Variants in GRID2 observed in about 807,000 individuals in gnomAD.
GRID2 encodes the protein glutamate ionotropic receptor delta type subunit 2.
In GRID2, 33 loss-of-function variants were observed where a neutral mutation model predicts 114.8. The observed-to-expected ratio is 0.29, with a 90% CI of 0.22 to 0.38. GRID2 has a LOEUF of 0.38. GRID2 is among the 10% of genes least tolerant of loss of function. The pLI, the probability that GRID2 is intolerant of heterozygous loss-of-function variation, is 1.00. For synonymous variants in GRID2, 505 were observed against 449.9 expected (o/e 1.12, Z -1.55); for missense variants, 1,184 against 1,257.7 (o/e 0.94, Z 0.89).
At chr4:93,118,386 C>T (rs1733477265) in intron 4 of GRID2, among the ~76,000 whole-genome samples, 2 of 152,006 alleles carry the variant, frequency 1.3e-5, no homozygotes, top group African/African-American at 2.4e-5. Flanking sequence ...GATTAAAGCT[C>T]AACAATGATA....
chr4:92,518,761 C>G (rs1724629709), intron 1 of GRID2, among the ~76,000 whole-genome samples: 1 of 151,680 alleles, frequency 6.6e-6, no homozygotes, highest in African/African-American at 2.4e-5. Context: ...ATAGTTTATT[C>G]CTTTTAAATG....
At chr4:93,704,476 G>A (rs1727815417) in intron 14 of GRID2, among the ~76,000 whole-genome samples, 1 of 152,028 alleles carries the variant, frequency 6.6e-6, no homozygotes, top group Non-Finnish European at 1.5e-5. Flanking sequence ...AGTTTCTTTT[G>A]CTGTGCAGAA....
At chr4:92,655,327 G>A (rs1579778328) in intron 2 of GRID2, among the ~76,000 whole-genome samples, 1 of 151,870 alleles carries the variant, frequency 6.6e-6, no homozygotes, top group East Asian at 1.9e-4. Context: ...TGTCCCAGCT[G>A]TGTCCTTTTT....
intron 2 of GRID2, among the ~76,000 whole-genome samples, chr4:92,861,993 C>A (rs922205494): frequency 1.3e-5 from 2 of 151,932 alleles, no homozygotes; most frequent in Non-Finnish European, 2.9e-5. Flanking sequence ...ATTTTTCTGT[C>A]TCATTTACCC....
At chr4:92,515,320 T>C (rs900705005) in intron 1 of GRID2, among the ~76,000 whole-genome samples, 5 of 151,932 alleles carry the variant, frequency 3.3e-5, no homozygotes, top group Non-Finnish European at 7.4e-5. Context: ...GTAGTGCCCG[T>C]CACCTTGTTT....
chr4:93,348,275 T>A (rs1283532618), intron 8 of GRID2, among the ~76,000 whole-genome samples: 1 of 152,160 alleles, frequency 6.6e-6, no homozygotes, highest in Non-Finnish European at 1.5e-5. Context: ...CATACACATG[T>A]TATTGAAGGT....
chr4:92,959,803 A>G (rs1353347479), intron 2 of GRID2, among the ~76,000 whole-genome samples: 5 of 152,146 alleles, frequency 3.3e-5, no homozygotes, highest in Non-Finnish European at 1.5e-5. Flanking sequence ...GAGATGAACA[A>G]TGAGAACACA....
At chr4:92,506,607 T>A (rs1723983737) in intron 1 of GRID2, among the ~76,000 whole-genome samples, 1 of 151,818 alleles carries the variant, frequency 6.6e-6, no homozygotes, top group African/African-American at 2.4e-5. Flanking sequence ...AATTGTCTTT[T>A]TTTTATTAGA....
chr4:93,733,805 G>C (rs1022737893), intron 14 of GRID2, among the ~76,000 whole-genome samples: 1 of 152,026 alleles, frequency 6.6e-6, no homozygotes, highest in African/African-American at 2.4e-5. Flanking sequence ...TTTCATAAAT[G>C]TAAATAATTC....
intron 4 of GRID2, among the ~76,000 whole-genome samples, chr4:93,121,332 T>C (rs986471919): frequency 5.3e-5 from 8 of 152,184 alleles, no homozygotes; most frequent in African/African-American, 1.7e-4. Flanking sequence ...CACGCTCCAG[T>C]TAAGATCTCC....
intron 2 of GRID2, among the ~76,000 whole-genome samples, chr4:92,739,171 T>C (rs1384713774): frequency 6.6e-6 from 1 of 152,172 alleles, no homozygotes; most frequent in African/African-American, 2.4e-5. Context: ...TCCACTGGCC[T>C]TGAGAAGTCA....
intron 4 of GRID2, among the ~76,000 whole-genome samples, chr4:93,201,879 G>C (rs1336805275): frequency 2.0e-5 from 3 of 152,116 alleles, no homozygotes; most frequent in Non-Finnish European, 4.4e-5. Flanking sequence ...GTGACAGATG[G>C]TCTGTCCTTA....
intron 2 of GRID2, among the ~76,000 whole-genome samples, chr4:92,876,799 A>G (rs1745670945): frequency 6.6e-6 from 1 of 152,214 alleles, no homozygotes; most frequent in African/African-American, 2.4e-5. Flanking sequence ...AAGAATTTAT[A>G]GTTTTAGCAA....
At chr4:92,781,160 C>A (rs192960331) in intron 2 of GRID2, among the ~76,000 whole-genome samples, 4 of 151,896 alleles carry the variant, frequency 2.6e-5, no homozygotes, top group Non-Finnish European at 5.9e-5. Flanking sequence ...GCAGAAGAAT[C>A]GCTTGAACCT....
At chr4:93,613,391 C>T (rs1339968651) in intron 13 of GRID2, among the ~76,000 whole-genome samples, 3 of 134,202 alleles carry the variant, frequency 2.2e-5, no homozygotes, top group South Asian at 2.6e-4. Context: ...AGGCGCTCTG[C>T]GTTTTAGAGT....
chr4:92,894,037 A>G (rs1746981600), intron 2 of GRID2, among the ~76,000 whole-genome samples: 1 of 152,058 alleles, frequency 6.6e-6, no homozygotes, highest in Non-Finnish European at 1.5e-5. Flanking sequence ...ATAAATAACT[A>G]CAAGCTAGCA....
chr4:92,534,475 G>A (rs1725507687), intron 1 of GRID2, among the ~76,000 whole-genome samples: 2 of 152,036 alleles, frequency 1.3e-5, no homozygotes, highest in South Asian at 4.2e-4. Flanking sequence ...AATCAAAGAG[G>A]GGGACAATTT....
At chr4:92,699,556 CA>C (rs1158946038) in intron 2 of GRID2, among the ~76,000 whole-genome samples, 7 of 152,146 alleles carry the variant, frequency 4.6e-5, no homozygotes, top group African/African-American at 1.7e-4. Context: ...TCACTGACCA[CA>C]ATTTTTTACT....
At chr4:93,775,556 G>A (rs949437048), downstream of GRID2, among the ~76,000 whole-genome samples, 16 of 152,144 alleles carry the variant, frequency 1.1e-4, no homozygotes, top group African/African-American at 3.9e-4. Flanking sequence ...AACTAAGGTC[G>A]GTTCCTGTTT....
Sources: allele counts gnomAD v4.1 joint callset (sites outside exome capture counted in the v4.1 genomes callset), GRCh38; gene constraint gnomAD v4.1.1; transcripts MANE v1.5; gene names NCBI Gene and HGNC (gene_info 2026-07-23, HGNC 2026-07-21).